The following PCDH15 variants were observed in gnomAD, a reference collection of about 807,000 sequenced individuals.
The protein encoded by PCDH15 is protocadherin-15.
PCDH15 carries 129 observed loss-of-function variants against 178.5 expected under a neutral mutation model. The ratio of observed to expected loss-of-function variants is 0.72; its 90% CI spans 0.63 to 0.84. The LOEUF is 0.84. Ranked by LOEUF, PCDH15 falls within the 40% of genes least tolerant of loss-of-function variation. The pLI, the probability that PCDH15 is intolerant of heterozygous loss-of-function variation, is 0.00. For missense variants in PCDH15, 2,230 were observed against 2,099.9 expected (o/e 1.06, Z -1.21); for synonymous variants, 800 against 732.0 (o/e 1.09, Z -1.50).
intron 26 of PCDH15, among the ~76,000 whole-genome samples, chr10:53,895,212 T>A (rs1261863979): frequency 6.6e-6 from 1 of 152,144 alleles, no homozygotes; most frequent in Non-Finnish European, 1.5e-5. Flanking sequence ...CCTACATTGT[T>A]AACCTTGTAC....
intron 36 of PCDH15, among the ~76,000 whole-genome samples, chr10:53,811,294 T>C (rs751960941): frequency 2.0e-5 from 3 of 152,172 alleles, no homozygotes; most frequent in Non-Finnish European, 2.9e-5. Flanking sequence ...CCCATATAAA[T>C]AATTTTGAAT....
intron 1 of PCDH15, among the ~76,000 whole-genome samples, chr10:55,246,235 G>T (rs948422601): frequency 1.3e-5 from 2 of 152,058 alleles, no homozygotes; most frequent in African/African-American, 2.4e-5. Flanking sequence ...AGATTTTTTT[G>T]CATGTAGTTT....
At chr10:54,963,234 A>T (rs553934772) in intron 2 of PCDH15, among the ~76,000 whole-genome samples, 237 of 152,206 alleles carry the variant, frequency 1.6e-3, no homozygotes, top group Middle Eastern at 3.4e-3. Context: ...CCATAATTCT[A>T]GTCTTCAGTT....
intron 3 of PCDH15, among the ~76,000 whole-genome samples, chr10:54,825,347 T>A (rs1953110505): frequency 6.7e-6 from 1 of 148,238 alleles, no homozygotes; most frequent in Admixed American, 6.8e-5. Context: ...TGTGCATGTG[T>A]CTTTATAGCA....
At chr10:55,515,418 G>A (rs1420051200) in intron 2 of PCDH15, among the ~76,000 whole-genome samples, 1 of 152,078 alleles carries the variant, frequency 6.6e-6, no homozygotes, top group Non-Finnish European at 1.5e-5. Flanking sequence ...AAGACTTGTT[G>A]TAAAAGATTG....
chr10:54,124,515 T>C (rs957508929), intron 15 of PCDH15, among the ~76,000 whole-genome samples: 1 of 152,176 alleles, frequency 6.6e-6, no homozygotes, highest in African/African-American at 2.4e-5. Flanking sequence ...ATAAAAGATA[T>C]GTAGGAATTT....
At position 54,212,805 on chromosome 10, in the gene PCDH15, T is replaced by C. The variant is rs192960502; in HGVS notation, c.1098+1131A>G. On this transcript the variant is annotated intron_variant, in intron 10 of 37. Transcript: ENST00000644397. ...AACCATTTCTAAGTATCTGCATATTTGTGAAGTGAAAAGAGCATGGCTTTA... is the reference window on the plus strand; with the variant it reads ...AACCATTTCTAAGTATCTGCATATTCGTGAAGTGAAAAGAGCATGGCTTTA... Among the ~76,000 whole-genome samples the C allele has an allele frequency of 1.9e-3, 282 of 152,304 alleles. 7 individuals carry two copies. The highest frequency in any genetic ancestry group is 5.3e-4 in the Non-Finnish European group (36 of 68,028).
At chr10:54,806,697 G>T (rs1564525593) in intron 3 of PCDH15, among the ~76,000 whole-genome samples, 1 of 152,066 alleles carries the variant, frequency 6.6e-6, no homozygotes, top group Non-Finnish European at 1.5e-5. Context: ...TGTTGGCCAG[G>T]AAGGTCTTGA....
intron 23 of PCDH15, among the ~76,000 whole-genome samples, chr10:53,959,198 G>T: frequency 6.8e-6 from 1 of 147,854 alleles, no homozygotes; most frequent in East Asian, 2.0e-4. Flanking sequence ...TATACACACA[G>T]TATATATATA....
intron 1 of PCDH15, among the ~76,000 whole-genome samples, chr10:55,217,952 TAAA>T (rs1335687025): frequency 6.6e-6 from 1 of 151,976 alleles, no homozygotes; most frequent in South Asian, 2.1e-4. Flanking sequence ...GTACAGATTT[TAAA>T]AAATGCTTTC....
chr10:54,927,280 T>C (rs1014778769), intron 2 of PCDH15, among the ~76,000 whole-genome samples: 6 of 152,140 alleles, frequency 3.9e-5, no homozygotes, highest in African/African-American at 1.4e-4. Context: ...CTAACTTGAT[T>C]GTGCTGTGGT....
intron 1 of PCDH15, among the ~76,000 whole-genome samples, chr10:54,673,134 C>G (rs921174696): frequency 6.6e-6 from 1 of 151,910 alleles, no homozygotes; most frequent in Non-Finnish European, 1.5e-5. Flanking sequence ...AGGTTTGTTA[C>G]GTGGGTATAC....
At chr10:54,943,977 G>A (rs532852109) in intron 2 of PCDH15, among the ~76,000 whole-genome samples, 1 of 151,794 alleles carries the variant, frequency 6.6e-6, no homozygotes, top group Non-Finnish European at 1.5e-5. Flanking sequence ...CTCAACAGTA[G>A]GTAGTTTAGC....
At chr10:54,454,799 A>G (rs1244846228) in intron 3 of PCDH15, among the ~76,000 whole-genome samples, 1 of 152,198 alleles carries the variant, frequency 6.6e-6, no homozygotes, top group Non-Finnish European at 1.5e-5. Flanking sequence ...GTGCAAGTAT[A>G]TCTAGGTTAC....
chr10:54,675,766 G>A (rs1473408388), intron 1 of PCDH15, among the ~76,000 whole-genome samples: 1 of 152,028 alleles, frequency 6.6e-6, no homozygotes, highest in Non-Finnish European at 1.5e-5. Context: ...TTCACTTTAT[G>A]CCCCTGAGAA....
At chr10:54,135,467 T>C (rs1378397532) in intron 14 of PCDH15, among the ~76,000 whole-genome samples, 3 of 152,200 alleles carry the variant, frequency 2.0e-5, no homozygotes, top group Non-Finnish European at 2.9e-5. Flanking sequence ...CAAAATGTAT[T>C]GTATACTGCA....
intron 2 of PCDH15, among the ~76,000 whole-genome samples, chr10:55,584,126 TC>T (rs1023977991): frequency 6.6e-6 from 1 of 152,076 alleles, no homozygotes; most frequent in African/African-American, 2.4e-5. Context: ...TCAAAAACTT[TC>T]CTGCTTTCAG....
chr10:55,094,856 A>G (rs915356825), intron 2 of PCDH15, among the ~76,000 whole-genome samples: 4 of 151,972 alleles, frequency 2.6e-5, no homozygotes, highest in African/African-American at 9.7e-5. Context: ...GAGAAAACCA[A>G]ATATCTGATA....
At chr10:55,499,776 A>G (rs903819372) in intron 2 of PCDH15, among the ~76,000 whole-genome samples, 1 of 151,750 alleles carries the variant, frequency 6.6e-6, no homozygotes, top group African/African-American at 2.4e-5. Flanking sequence ...TTGAAGTACA[A>G]TATTAAAATG....
Sources: allele counts gnomAD v4.1 joint callset (sites outside exome capture counted in the v4.1 genomes callset), GRCh38; gene constraint gnomAD v4.1.1; transcripts MANE v1.5; gene names NCBI Gene and HGNC (gene_info 2026-07-23, HGNC 2026-07-21).